SDHAF4: variants seen among roughly 807,000 people sequenced by gnomAD.
The protein encoded by SDHAF4 is succinate dehydrogenase complex assembly factor 4.
In SDHAF4, 14 loss-of-function variants were observed where a neutral mutation model predicts 14.3. The observed-to-expected ratio is 0.98, with a 90% confidence interval of 0.65 to 1.53. The LOEUF is 1.53. Among genes scored for constraint, SDHAF4 ranks in the 40% most tolerant of loss-of-function variants. The pLI, the probability that SDHAF4 is intolerant of heterozygous loss-of-function variation, is 0.00. For missense variants in SDHAF4, 141 were observed against 129.3 expected, an observed-to-expected ratio of 1.09 and a Z score of -0.44; for synonymous variants, 63 against 47.3, an observed-to-expected ratio of 1.33 and a Z score of -1.36.
chr6:70,568,390 A>G (rs1471887586), intron 1 of SDHAF4, among the ~76,000 whole-genome samples: 1 of 152,250 alleles, frequency 6.6e-6, no homozygotes, highest in East Asian at 1.9e-4. Context: ...AATTTAAGAA[A>G]TAGTCTCTAT....
chr6:70,588,836 T>C lies in SDHAF4; in HGVS notation c.*112T>C. ...TTTATGTCGTGTAGTTTGTATAATG[T>C]GTTTAAATATATATATATATGATGG... On this transcript the variant is annotated 3_prime_UTR_variant, in exon 3 of 3. Transcript: ENST00000370474. 1 of 409,190 alleles carries C rather than the reference T, an allele frequency of 2.4e-6. No individual in the cohort carries two copies. The highest frequency in any genetic ancestry group is 4.4e-6 in the Non-Finnish European group (1 of 225,646). 25.3% of individuals were successfully genotyped at this position (409,190 alleles called of 1,614,324 possible).
At chr6:70,581,413 T>C (rs1243203920) in intron 2 of SDHAF4, among the ~76,000 whole-genome samples, 1 of 152,222 alleles carries the variant, frequency 6.6e-6, no homozygotes, top group Non-Finnish European at 1.5e-5. Flanking sequence ...CAAGTTTATG[T>C]TGAACCTACC....
intron 2 of SDHAF4, among the ~76,000 whole-genome samples, chr6:70,585,573 A>G (rs1765185883): frequency 6.6e-6 from 1 of 152,186 alleles, no homozygotes; most frequent in South Asian, 2.1e-4. Context: ...AGTCTATGGT[A>G]TTTTGTTATG....
chr6:70,590,055 T>C (rs542797288), downstream of SDHAF4, among the ~76,000 whole-genome samples: 21 of 152,088 alleles, frequency 1.4e-4, no homozygotes, highest in Non-Finnish European at 2.9e-4. Flanking sequence ...CTGGCCAACA[T>C]GGCAAAACCC....
Position 70,588,856 on chromosome 6 carries a change from T to TATATA in SDHAF4, c.*132_*133insATATA, listed in dbSNP as rs1554183414. The TATATA allele has an allele frequency of 2.9e-4, 95 of 324,818 alleles. No homozygotes were observed. The highest frequency in any genetic ancestry group is 3.5e-4 in the Non-Finnish European group (61 of 174,270). The allele number at this position is 324,818 out of a possible 1,614,324, so 20.1% of individuals were successfully genotyped here. A position where few individuals can be genotyped will look rare whatever the true frequency, so the allele number is the denominator to read the frequency against. On this transcript the variant is annotated 3_prime_UTR_variant, in exon 3 of 3. Transcript: ENST00000370474. ...TAATGTGTTTAAATATATATATATA[T>TATATA]GATGGCTTTGGAAGAAAATATGCTG... is the stretch of plus-strand genomic sequence containing the variant.
At chr6:70,568,226 G>T (rs1273780675) in intron 1 of SDHAF4, among the ~76,000 whole-genome samples, 1 of 152,006 alleles carries the variant, frequency 6.6e-6, no homozygotes, top group Non-Finnish European at 1.5e-5. Flanking sequence ...ATTTTGTAGG[G>T]TTCATTCAAC....
intron 2 of SDHAF4, among the ~76,000 whole-genome samples, chr6:70,588,354 T>C (rs1052311405): frequency 6.6e-6 from 1 of 152,134 alleles, no homozygotes; most frequent in African/African-American, 2.4e-5. Context: ...ACCCCTTCTC[T>C]ACTAAAAATA....
In SDHAF4 at chr6:70,589,130, T is replaced by C. The variant is rs1765235967; in HGVS notation, c.*406T>C. 1 of 153,506 alleles carries C rather than the reference T, an allele frequency of 6.5e-6. No homozygotes were observed. Among genetic ancestry groups the C allele is most frequent in the Non-Finnish European group, 1.4e-5 (1 of 69,082 alleles). The allele number at this position is 153,506 out of a possible 1,614,324, so 9.5% of individuals were successfully genotyped here. ...AAAAAGATAGGAAAGGGAAAATATT[T>C]TTTCATTAACATATATTAATTTAAT... On this transcript the variant is annotated 3_prime_UTR_variant, in exon 3 of 3. Coordinates refer to ENST00000370474, the MANE Select transcript of SDHAF4 (RefSeq NM_145267.3).
chr6:70,566,985 C>G lies in SDHAF4; in HGVS notation c.45C>G (p.Ala15=). The G allele has an allele frequency of 1.3e-6, 2 of 1,591,220 alleles. No individual in the cohort carries two copies. The highest frequency in any genetic ancestry group is 1.7e-6 in the Non-Finnish European group (2 of 1,169,056). The stretch of plus-strand genomic sequence containing the variant: ...CCTGGTTGCTTAGCTGGGTCTCGGC[C>G]ACGGCGTGGAGAGCGGCAAGTAAGC... ...RLPWLLSWVS[A]TAWRAARSPL... The change falls in exon 1 of 3, where the codon GCC becomes GCG. Residue 15 remains alanine (A), a synonymous_variant. Transcript: ENST00000370474.
At position 70,578,886 on chromosome 6, in the gene SDHAF4, A is replaced by C. The variant is rs374402765; in HGVS notation, c.65-528A>C. On this transcript the variant is annotated intron_variant, in intron 1 of 2. Coordinates refer to ENST00000370474, the MANE Select transcript of SDHAF4 (RefSeq NM_145267.3). ...TTTAGAGACATGGTCTCACTATGTT[A>C]CCCAGACTAGAATTGAGCTCCTGGG... Among the ~76,000 whole-genome samples the C allele has an allele frequency of 3.3e-5, 5 of 152,256 alleles. No homozygotes were observed. The East Asian group carries it at 9.6e-4, about 29-fold the overall frequency.
intron 2 of SDHAF4, among the ~76,000 whole-genome samples, chr6:70,584,526 T>C (rs1765175420): frequency 1.3e-5 from 2 of 152,146 alleles, no homozygotes; most frequent in Admixed American, 1.3e-4. Context: ...TCCTTTCACA[T>C]AGTATAATGT....
At chr6:70,575,391 C>A (rs1802241012) in intron 1 of SDHAF4, among the ~76,000 whole-genome samples, 1 of 151,332 alleles carries the variant, frequency 6.6e-6, no homozygotes, top group Non-Finnish European at 1.5e-5. Flanking sequence ...AAAAAAAGGA[C>A]CCTCCTGGTC....
intron 2 of SDHAF4, among the ~76,000 whole-genome samples, chr6:70,580,886 G>T (rs116047042): frequency 7.2e-5 from 11 of 152,084 alleles, no homozygotes; most frequent in African/African-American, 2.4e-4. Flanking sequence ...AAATGTTTTA[G>T]GTATAGATAG....
chr6:70,593,694 G>T (rs1310956207), downstream of SDHAF4, among the ~76,000 whole-genome samples: 9 of 151,524 alleles, frequency 5.9e-5, no homozygotes, highest in East Asian at 3.9e-4. Flanking sequence ...GTTTTTTTTT[G>T]TGTGTGTGTG....
chr6:70,594,047 G>A (rs1765281315), downstream of SDHAF4, among the ~76,000 whole-genome samples: 1 of 152,060 alleles, frequency 6.6e-6, no homozygotes, highest in African/African-American at 2.4e-5. Context: ...GTTAGGGGCC[G>A]ATTACTCCAT....
downstream of SDHAF4, chr6:70,589,572 A>G (rs959006858): frequency 6.6e-6 from 1 of 152,214 alleles, no homozygotes; most frequent in African/African-American, 2.4e-5. Flanking sequence ...TTAAAAAATG[A>G]TTGTGTTGCT....
At chr6:70,573,264 C>T (rs902339557) in intron 1 of SDHAF4, among the ~76,000 whole-genome samples, 2 of 110,450 alleles carry the variant, frequency 1.8e-5, no homozygotes, top group African/African-American at 4.6e-5. Flanking sequence ...GCTATTTGGC[C>T]TTTTTTTTTT....
At chr6:70,568,744 A>G (rs889189021) in intron 1 of SDHAF4, among the ~76,000 whole-genome samples, 11 of 152,006 alleles carry the variant, frequency 7.2e-5, no homozygotes, top group Admixed American at 6.6e-4. Context: ...GTGTAACGGC[A>G]TTTTCTAATT....
At chr6:70,578,979 C>T (rs1211302250) in intron 1 of SDHAF4, among the ~76,000 whole-genome samples, 1 of 152,154 alleles carries the variant, frequency 6.6e-6, no homozygotes, top group African/African-American at 2.4e-5. Flanking sequence ...CCATGCCCAA[C>T]TTGATGTATT....
Sources: allele counts gnomAD v4.1 joint callset (sites outside exome capture counted in the v4.1 genomes callset), GRCh38; gene constraint gnomAD v4.1.1; transcripts MANE v1.5; gene names NCBI Gene and HGNC (gene_info 2026-07-23, HGNC 2026-07-21).